The following FAHD2A variants were observed in gnomAD, a reference collection of about 807,000 sequenced individuals.
FAHD2A encodes the protein fumarylacetoacetate hydrolase domain containing 2A.
FAHD2A carries 27 observed loss-of-function variants against 33.4 expected under a neutral mutation model. The observed-to-expected ratio is 0.81, with a 90% CI of 0.60 to 1.11. The LOEUF is 1.11. Ranked by LOEUF, FAHD2A falls within the 50% of genes most tolerant of loss-of-function variation. FAHD2A has a pLI of 0.00. For missense variants in FAHD2A, 296 were observed against 395.0 expected (o/e 0.75, Z 2.12); for synonymous variants, 130 against 153.3 (o/e 0.85, Z 1.12).
At position 95,402,726 on chromosome 2, in the gene FAHD2A, C is replaced by G. The variant is rs542818948; in HGVS notation, c.-153C>G. 12 of 152,432 alleles carry G rather than the reference C, an allele frequency of 7.9e-5. No individual in the cohort carries two copies. The highest frequency in any genetic ancestry group is 2.6e-4 in the African/African-American group (11 of 41,600). 9.4% of individuals were successfully genotyped at this position (152,432 alleles called of 1,614,324 possible). A position where few individuals can be genotyped will look rare whatever the true frequency, so the allele number is the denominator to read the frequency against. On this transcript the variant is annotated 5_prime_UTR_variant, in exon 1 of 8. In the 5' UTR this introduces an upstream ATG that the reference lacks. Transcript: ENST00000233379. ...CGCGCCCGCTTTTCTCTCGGGTGAT[C>G]CGGCCGAGTGGCCCTGGGTTAGCAG...
chr2:95,419,220 A>G (rs1683280880), downstream of FAHD2A, among the ~76,000 whole-genome samples: 1 of 152,210 alleles, frequency 6.6e-6, no homozygotes, highest in East Asian at 1.9e-4. Flanking sequence ...TGGCACCCCT[A>G]GAAAACTAAT....
rs746162085 is a variant in FAHD2A at position 95,412,991 on chromosome 2, G to A, written c.*34G>A. 64 of 1,611,500 alleles carry A rather than the reference G, an allele frequency of 4.0e-5. No individual in the cohort carries two copies. Among genetic ancestry groups the A allele is most frequent in the Non-Finnish European group, 5.1e-5 (60 of 1,178,764 alleles). ...GCACAGGCCCTGCACATAGGATGAG[G>A]GCATCTGCTCCCACTCAGCCTAGCC... is the stretch of plus-strand genomic sequence containing the variant. On this transcript the variant is annotated 3_prime_UTR_variant, in exon 8 of 8. Coordinates refer to ENST00000233379, the MANE Select transcript of FAHD2A (RefSeq NM_016044.3).
downstream of FAHD2A, among the ~76,000 whole-genome samples, chr2:95,419,754 CATAG>C (rs1446175674): frequency 2.0e-5 from 3 of 151,860 alleles, no homozygotes; most frequent in African/African-American, 4.9e-5. Flanking sequence ...GAGATATATA[CATAG>C]ATATAGAGAT....
chr2:95,419,909 A>C (rs1683291027), downstream of FAHD2A, among the ~76,000 whole-genome samples: 1 of 151,970 alleles, frequency 6.6e-6, no homozygotes, highest in African/African-American at 2.4e-5. Flanking sequence ...GGAGCTGAGA[A>C]TTCCCAAGAT....
rs756909446 is a variant in FAHD2A at position 95,412,434 on chromosome 2, A to T, written c.686A>T (p.Asp229Val). ...PALVTKDSVADPHNLKICCRV... is the reference protein window; with the variant it reads ...PALVTKDSVAVPHNLKICCRV... ...CCAAGGTACCATCTTTGCATTTCAG[A>T]TCCACACAACTTAAAGATCTGCTGC... The change falls in exon 6 of 8, where the codon GAT (aspartate) becomes GTT (valine). Residue 229 changes from aspartate to valine, a missense_variant and splice_region_variant. Physicochemically the swap from Asp to Val is radical, Grantham distance 152. Coordinates refer to ENST00000233379, the MANE Select transcript of FAHD2A (RefSeq NM_016044.3). The T allele has an allele frequency of 1.7e-5, 28 of 1,613,740 alleles. No individual in the cohort carries two copies. The Admixed American group carries it at 2.2e-4, about 12-fold the overall frequency.
intron 5 of FAHD2A, among the ~76,000 whole-genome samples, chr2:95,411,850 A>G (rs1000839451): frequency 1.2e-4 from 18 of 152,096 alleles, no homozygotes; most frequent in African/African-American, 4.1e-4. Flanking sequence ...CAGTGGCCCA[A>G]TCCCAGCTCA....
rs540417087 is a variant in FAHD2A, at chr2:95,410,663, A to G, written c.522+77A>G. ...TCCTGCCTCTCCTAGTTCTGACCCC[A>G]CTCACCAACACACGGTGCCAGCTGT... On this transcript the variant is annotated intron_variant, in intron 4 of 7. Coordinates refer to ENST00000233379, the MANE Select transcript of FAHD2A (RefSeq NM_016044.3). 2.3e-4 allele frequency: 358 copies of G among 1,581,790 alleles called. 2 individuals carry two copies. Among genetic ancestry groups the G allele is most frequent in the East Asian group, 1.1e-3 (46 of 43,646 alleles).
intron 4 of FAHD2A, 36 bp from the exon 5 acceptor site, chr2:95,410,828 T>C (rs1682363844): frequency 6.2e-7 from 1 of 1,612,008 alleles, no homozygotes; most frequent in African/African-American, 1.3e-5. Flanking sequence ...ACCCATGATC[T>C]AACCTCCTGT....
downstream of FAHD2A, among the ~76,000 whole-genome samples, chr2:95,420,267 A>G (rs551469024): frequency 2.0e-5 from 3 of 152,162 alleles, no homozygotes; most frequent in East Asian, 5.8e-4. Flanking sequence ...AAGTTGATAC[A>G]TAAAATTAAC....
At chr2:95,420,935 A>G (rs1230439144), downstream of FAHD2A, among the ~76,000 whole-genome samples, 1 of 152,062 alleles carries the variant, frequency 6.6e-6, no homozygotes, top group East Asian at 1.9e-4. Flanking sequence ...AAGATGAGAC[A>G]ACAAAGGCCG....
downstream of FAHD2A, among the ~76,000 whole-genome samples, chr2:95,418,891 T>C (rs1683276029): frequency 6.6e-6 from 1 of 152,094 alleles, no homozygotes; most frequent in Admixed American, 6.5e-5. Context: ...GCAGGTGTAA[T>C]CAAGTTAAGA....
chr2:95,406,792 G>A, intron 2 of FAHD2A, 149 bp from the exon 3 acceptor site: 1 of 1,428,822 alleles, frequency 7.0e-7, no homozygotes, highest in Non-Finnish European at 9.3e-7. Context: ...ACAATAGTCA[G>A]TGATTTTCAC....
At chr2:95,404,746 AG>A (rs939028051) in intron 1 of FAHD2A, among the ~76,000 whole-genome samples, 2 of 152,262 alleles carry the variant, frequency 1.3e-5, no homozygotes, top group African/African-American at 4.8e-5. Flanking sequence ...AGTGCTGGGC[AG>A]TGAAAGAGAC....
intron 3 of FAHD2A, among the ~76,000 whole-genome samples, chr2:95,408,363 A>G (rs1385314843): frequency 6.6e-6 from 1 of 152,172 alleles, no homozygotes; most frequent in Non-Finnish European, 1.5e-5. Context: ...TAGTGGTTTC[A>G]ATCTAGGACA....
At position 95,407,067 on chromosome 2, in the gene FAHD2A, GC is replaced by G. The variant is rs1558795179; in HGVS notation, c.375del (p.Val126CysfsTer31). 1 of 1,613,118 alleles carries G rather than the reference GC, an allele frequency of 6.2e-7. No homozygotes were observed. Among genetic ancestry groups the G allele is most frequent in the East Asian group, 2.2e-5 (1 of 44,884 alleles). On this transcript the variant is annotated frameshift_variant, in exon 3 of 8. Transcript: ENST00000233379. LOFTEE classifies it high-confidence loss of function. ...TGGACCACTGCAAAGAACAGAACGTGCCCGTGCCCAAGGAGCCCATCATCTT... is the reference window on the plus strand; with the variant it reads ...TGGACCACTGCAAAGAACAGAACGTGCCGTGCCCAAGGAGCCCATCATCTT... ...YVDHCKEQNV[P>X]VPKEPIIFSK...
Position 95,413,884 on chromosome 2 carries a change from A to G in FAHD2A, c.*927A>G, listed in dbSNP as rs1473054534. 2 of 897,908 alleles carry G rather than the reference A, an allele frequency of 2.2e-6. No individual in the cohort carries two copies. Among genetic ancestry groups the G allele is most frequent in the Non-Finnish European group, 3.7e-6 (2 of 535,792 alleles). The allele number at this position is 897,908 out of a possible 1,614,324, so 55.6% of individuals were successfully genotyped here. A position where few individuals can be genotyped will look rare whatever the true frequency, so the allele number is the denominator to read the frequency against. On this transcript the variant is annotated 3_prime_UTR_variant, in exon 8 of 8. Transcript: ENST00000233379. ...GCCAGCCCTGTGGGGTGATGGGAAC[A>G]TAGCTGGGTTTCCCTGAGCCACTCT...
chr2:95,411,897 C>T lies in FAHD2A; in HGVS notation c.686-537C>T, dbSNP rs369808394. Among the ~76,000 whole-genome samples the T allele has an allele frequency of 2.2e-4, 34 of 152,256 alleles. No individual in the cohort carries two copies. The East Asian group carries it at 5.6e-3, about 25-fold the overall frequency. ...ACCTCCTGAGTTCAAGCAGTTCTCC[C>T]GCCTCAGCCTCCTGAGTAGCTGGGA... is the stretch of plus-strand genomic sequence containing the variant. On this transcript the variant is annotated intron_variant, in intron 5 of 7. Transcript: ENST00000233379.
chr2:95,410,455 G>T, intron 3 of FAHD2A, 72 bp from the exon 4 acceptor site: 1 of 1,551,982 alleles, frequency 6.4e-7, no homozygotes, highest in Admixed American at 1.9e-5. Flanking sequence ...CTTCAGCATG[G>T]TGTGCAGCCT....
intron 3 of FAHD2A, among the ~76,000 whole-genome samples, chr2:95,410,233 A>C (rs544251951): frequency 6.6e-6 from 1 of 152,344 alleles, no homozygotes; most frequent in South Asian, 2.1e-4. Context: ...AAAAGTATCC[A>C]GAGTGACTTT....
Sources: gnomAD v4.1 joint callset for allele counts (sites outside exome capture counted in the v4.1 genomes callset) on GRCh38, gnomAD v4.1.1 for gene constraint, MANE v1.5 for transcripts, NCBI Gene and HGNC (gene_info 2026-07-23, HGNC 2026-07-21) for gene names.